SCUBE2: variants seen among roughly 807,000 people sequenced by gnomAD.
SCUBE2 encodes signal peptide, CUB domain and EGF like domain containing 2.
A neutral mutation model predicts 125.9 loss-of-function variants in SCUBE2; 114 were observed. The observed-to-expected ratio is 0.91, with a 90% confidence interval of 0.78 to 1.06. The LOEUF is 1.06. SCUBE2 is among the 50% of genes least tolerant of loss of function. The probability of loss-of-function intolerance (pLI) is 0.00; values close to 1 mark genes in which losing one functional copy is unlikely to be tolerated. For synonymous variants in SCUBE2, 459 were observed against 492.9 expected, an observed-to-expected ratio of 0.93 and a Z score of 0.91; for missense variants, 1,255 against 1,301.8, an observed-to-expected ratio of 0.96 and a Z score of 0.55.
chr11:9,027,439 T>C lies in SCUBE2; in HGVS notation c.2626A>G (p.Ile876Val). 2.5e-6 allele frequency: 4 copies of C among 1,614,068 alleles called. No individual in the cohort carries two copies. Among genetic ancestry groups the C allele is most frequent in the Non-Finnish European group, 3.4e-6 (4 of 1,180,002 alleles). Residue 876 changes from isoleucine to valine, a missense_variant, in exon 20 of 23, where the codon ATC (isoleucine) becomes GTC (valine). This residue lies in a region of SCUBE2 where 515 missense variants were observed against 515.7 expected (regional missense o/e 1.00). Transcript: ENST00000649792. ...AAGATCTCAGGGACCACGATCAGGA[T>C]GCGGCGCTTGGGGGGTGGGTTGATG... ...WTINPPPKRR[I>V]LIVVPEIFLP...
At chr11:9,064,059 T>A (rs1329216206) in intron 7 of SCUBE2, among the ~76,000 whole-genome samples, 1 of 152,112 alleles carries the variant, frequency 6.6e-6, no homozygotes, top group Non-Finnish European at 1.5e-5. Context: ...ATTAAGGGTA[T>A]AGGGAGAGGT....
chr11:9,055,107 G>C (rs999791482), intron 10 of SCUBE2, among the ~76,000 whole-genome samples: 5 of 152,152 alleles, frequency 3.3e-5, no homozygotes, highest in African/African-American at 1.2e-4. Context: ...AAATCCTATA[G>C]ATCCTCAGGA....
chr11:9,082,682 A>G (rs1343983757), intron 2 of SCUBE2, among the ~76,000 whole-genome samples: 1 of 152,242 alleles, frequency 6.6e-6, no homozygotes, highest in African/African-American at 2.4e-5. Context: ...CACATGGACA[A>G]ACCTCAAAAG....
Position 9,072,552 on chromosome 11 carries a change from C to T in SCUBE2, c.517+1929G>A, listed in dbSNP as rs193183970. Among the ~76,000 whole-genome samples, 233 of 152,260 alleles carry T rather than the reference C, an allele frequency of 1.5e-3. 1 individual carries two copies. In the Middle Eastern group the frequency reaches 0.017, roughly 11 times the overall value. ...CTACAGTTTCATAGAGTTTAATGTG[C>T]ATATCAGAGAGGAAATCCTAGAAGA... On this transcript the variant is annotated intron_variant, in intron 4 of 22. Coordinates refer to ENST00000649792, the MANE Select transcript of SCUBE2 (RefSeq NM_001367977.2).
intron 14 of SCUBE2, among the ~76,000 whole-genome samples, chr11:9,049,325 C>T (rs1433553974): frequency 6.6e-6 from 1 of 152,154 alleles, no homozygotes; most frequent in Non-Finnish European, 1.5e-5. Flanking sequence ...CTCACTGCAG[C>T]CTCAACCTCC....
In SCUBE2 at chr11:9,029,875, G is replaced by A. The variant is rs758548777; in HGVS notation, c.2503+9C>T. Reference sequence around the variant, plus strand: ...CCAGAACTATGAAAAGCCTTAGAGAGGGACCTACTTTTACACTGGGTTATG... The same window carrying A: ...CCAGAACTATGAAAAGCCTTAGAGAAGGACCTACTTTTACACTGGGTTATG... On this transcript the variant is annotated intron_variant, in intron 19 of 22. Transcript: ENST00000649792. The A allele has an allele frequency of 5.0e-6, 8 of 1,613,994 alleles. No individual in the cohort carries two copies. In the Admixed American group the frequency reaches 5.0e-5, roughly 10 times the overall value.
chr11:9,054,708 T>TATATATCTATATATATATATATATAG (rs1564822930), intron 10 of SCUBE2, among the ~76,000 whole-genome samples: 1 of 68,218 alleles, frequency 1.5e-5, no homozygotes, highest in Non-Finnish European at 2.8e-5. Flanking sequence ...AGTGTATATA[T>TATATATCTATATATATATATATATAG]ATATATATAT....
chr11:9,041,419 A>G lies in SCUBE2; in HGVS notation c.2002+5937T>C, dbSNP rs768721556. ...AGACAGAGGAAGGGACGAAGGATTC[A>G]ACCCTAGGATAATCAGAAAGTAGGG... On this transcript the variant is annotated intron_variant, in intron 16 of 22. Transcript: ENST00000649792. Among the ~76,000 whole-genome samples the G allele has an allele frequency of 7.0e-4, 106 of 152,312 alleles. No individual in the cohort carries two copies. In the Middle Eastern group the frequency reaches 0.014, roughly 20 times the overall value.
intron 2 of SCUBE2, among the ~76,000 whole-genome samples, chr11:9,087,017 G>C (rs1169907943): frequency 6.6e-6 from 1 of 151,908 alleles, no homozygotes; most frequent in Non-Finnish European, 1.5e-5. Flanking sequence ...TGGATGGGAG[G>C]CTCTTTAATT....
intron 2 of SCUBE2, among the ~76,000 whole-genome samples, chr11:9,081,523 T>C (rs1861637756): frequency 6.6e-6 from 1 of 152,116 alleles, no homozygotes; most frequent in Non-Finnish European, 1.5e-5. Flanking sequence ...TGTGACAGGA[T>C]TTCCTTTTTT....
At chr11:9,090,245 G>T (rs1339248988) in intron 1 of SCUBE2, 3 of 156,228 alleles carry the variant, frequency 1.9e-5, no homozygotes, top group Non-Finnish European at 4.3e-5. Flanking sequence ...TGCCAAGCCA[G>T]CGCAGTACCT....
intron 2 of SCUBE2, among the ~76,000 whole-genome samples, chr11:9,082,850 G>C (rs925423828): frequency 6.6e-6 from 1 of 152,168 alleles, no homozygotes; most frequent in African/African-American, 2.4e-5. Context: ...ACAAGAACAC[G>C]GGGAATCTTA....
intron 16 of SCUBE2, 52 bp from the exon 17 acceptor site, chr11:9,033,848 G>T (rs1032392987): frequency 1.0e-5 from 16 of 1,584,304 alleles, no homozygotes; most frequent in African/African-American, 1.3e-5. Flanking sequence ...GCCAAGGAAG[G>T]ATGATGTGAG....
chr11:9,052,681 C>A, intron 13 of SCUBE2, 65 bp downstream of exon 13: 1 of 1,187,070 alleles, frequency 8.4e-7, no homozygotes, highest in Non-Finnish European at 1.2e-6. Context: ...AAGAACAGCA[C>A]CCCGTGAATG....
At chr11:9,069,536 C>A in intron 4 of SCUBE2, 41 bp from the exon 5 acceptor site, 1 of 1,612,318 alleles carries the variant, frequency 6.2e-7, no homozygotes, top group South Asian at 1.1e-5. Context: ...AGGCTGTGGT[C>A]AGAATCCTGA....
rs570894819 is a variant in SCUBE2, at chr11:9,052,657, C to A, written c.1534+89G>T. 13 of 989,662 alleles carry A rather than the reference C, an allele frequency of 1.3e-5. No individual in the cohort carries two copies. In the African/African-American group the frequency reaches 2.0e-4, roughly 15 times the overall value. The allele number at this position is 989,662 out of a possible 1,614,324, so 61.3% of individuals were successfully genotyped here. A position where few individuals can be genotyped will look rare whatever the true frequency, so the allele number is the denominator to read the frequency against. On this transcript the variant is annotated intron_variant, in intron 13 of 22. Transcript: ENST00000649792. ...ATCAAGGAAATTAACAGAAAAAAAA[C>A]AAAGCCAATGTCCAAGAACAGCACC...
At position 9,058,197 on chromosome 11, in the gene SCUBE2, C is replaced by T. The variant is rs1361814710; in HGVS notation, c.1090+1106G>A. On this transcript the variant is annotated intron_variant, in intron 9 of 22. Coordinates refer to ENST00000649792, the MANE Select transcript of SCUBE2 (RefSeq NM_001367977.2). ...CAAGTGCTGGGCCAGGTGCGGTGGC[C>T]CACGCCTGTAATCCCAGCACTTTGG... Among the ~76,000 whole-genome samples the T allele has an allele frequency of 2.0e-5, 3 of 152,194 alleles. No individual in the cohort carries two copies. In the East Asian group the frequency reaches 5.8e-4, roughly 29 times the overall value.
At chr11:9,079,328 G>A (rs138658643) in intron 3 of SCUBE2, 56 bp downstream of exon 3, 271 of 1,605,474 alleles carry the variant, frequency 1.7e-4, no homozygotes, top group Admixed American at 4.4e-4. Flanking sequence ...TTCACCAAGG[G>A]AAAGAAAGGG....
chr11:9,047,443 G>C lies in SCUBE2; in HGVS notation c.1915C>G (p.Leu639Val). The C allele has an allele frequency of 2.5e-6, 4 of 1,614,126 alleles. No homozygotes were observed. The South Asian group carries it at 4.4e-5, about 18-fold the overall frequency. The part of the protein sequence containing the change: ...QFHLQLSGMN[L>V]DVAKKPPRTS... ...CTGGGAGGCTTTTTAGCCACGTCGA[G>C]GTTCATGCCTGAGAGCTGGAGGTGA... The change falls in exon 16 of 23, where the codon CTC becomes GTC. Residue 639 changes from leucine (L) to valine (V), a missense_variant. By Grantham distance (32) the Leu-to-Val change is conservative. This residue lies in a region of SCUBE2 where 515 missense variants were observed against 515.7 expected (regional missense o/e 1.00). Coordinates refer to ENST00000649792, the MANE Select transcript of SCUBE2 (RefSeq NM_001367977.2).
Sources: allele counts gnomAD v4.1 joint callset (sites outside exome capture counted in the v4.1 genomes callset), GRCh38; gene constraint gnomAD v4.1.1; regional missense constraint gnomAD v4.1.1; transcripts MANE v1.5; gene names NCBI Gene and HGNC (gene_info 2026-07-23, HGNC 2026-07-21).